CHN2: variants seen among roughly 807,000 people sequenced by gnomAD.
CHN2 encodes beta-chimaerin.
CHN2 carries 35 observed loss-of-function variants against 56.3 expected under a neutral mutation model. That is an observed-to-expected ratio of 0.62 (90% CI 0.47 to 0.82). The LOEUF (loss-of-function observed/expected upper bound fraction) is 0.82. Ranked by LOEUF, CHN2 falls within the 40% of genes least tolerant of loss-of-function variation. CHN2 has a pLI of 0.00. For synonymous variants in CHN2, 210 were observed against 212.8 expected, an observed-to-expected ratio of 0.99 and a Z score of 0.12; for missense variants, 491 against 580.5, an observed-to-expected ratio of 0.85 and a Z score of 1.58.
At chr7:29,203,089 T>A (rs998636742) in intron 1 of CHN2, among the ~76,000 whole-genome samples, 2 of 152,076 alleles carry the variant, frequency 1.3e-5, no homozygotes, top group African/African-American at 4.8e-5. Flanking sequence ...CACACTAGAG[T>A]TCAAACGCTT....
intron 6 of CHN2, among the ~76,000 whole-genome samples, chr7:29,464,180 T>C (rs2128140068): frequency 6.6e-6 from 1 of 152,344 alleles, no homozygotes; most frequent in South Asian, 2.1e-4. Flanking sequence ...TTATTTTGTT[T>C]TGGGCACTAG....
Position 29,440,308 on chromosome 7 carries a change from A to G in CHN2, c.576+39480A>G, listed in dbSNP as rs545061546. On this transcript the variant is annotated intron_variant, in intron 6 of 12. Coordinates refer to ENST00000222792, the MANE Select transcript of CHN2 (RefSeq NM_004067.4). Reference sequence around the variant, plus strand: ...TGCAATTCAGTCTTTAGCCAATGGCAAAAGTAAAAGTAACAGTAATCAGTG... The same window carrying G: ...TGCAATTCAGTCTTTAGCCAATGGCGAAAGTAAAAGTAACAGTAATCAGTG... Among the ~76,000 whole-genome samples, 99 of 152,326 alleles carry G rather than the reference A, an allele frequency of 6.5e-4. 2 individuals are homozygous for G. The South Asian group carries it at 0.011, about 17-fold the overall frequency.
At chr7:29,471,612 G>A (rs1786047310) in intron 6 of CHN2, among the ~76,000 whole-genome samples, 1 of 152,194 alleles carries the variant, frequency 6.6e-6, no homozygotes, top group Non-Finnish European at 1.5e-5. Context: ...CAGTAAGACT[G>A]TTCCTTCGGC....
At chr7:29,316,674 C>T (rs1794974546) in intron 1 of CHN2, among the ~76,000 whole-genome samples, 1 of 152,128 alleles carries the variant, frequency 6.6e-6, no homozygotes, top group Non-Finnish European at 1.5e-5. Context: ...AGAGCTGCTG[C>T]CCCCAATGTG....
chr7:29,252,473 C>T (rs576844616), intron 1 of CHN2, among the ~76,000 whole-genome samples: 4 of 151,448 alleles, frequency 2.6e-5, no homozygotes, highest in Non-Finnish European at 5.9e-5. Flanking sequence ...CAGGCGCAAG[C>T]CACTGCACCC....
intron 6 of CHN2, among the ~76,000 whole-genome samples, chr7:29,404,790 C>T (rs1041342470): frequency 2.6e-5 from 4 of 152,190 alleles, no homozygotes; most frequent in South Asian, 2.1e-4. Context: ...GTCTCAAACT[C>T]GTGGGCTCAA....
chr7:29,465,527 C>A (rs532838208), intron 6 of CHN2, among the ~76,000 whole-genome samples: 87 of 152,254 alleles, frequency 5.7e-4, no homozygotes, highest in South Asian at 2.1e-3. Flanking sequence ...AAATGAGGCA[C>A]AAAGAGGTTA....
At chr7:29,366,122 A>T (rs1327652402) in intron 2 of CHN2, among the ~76,000 whole-genome samples, 3 of 152,206 alleles carry the variant, frequency 2.0e-5, no homozygotes, top group Non-Finnish European at 4.4e-5. Context: ...AACTTTTGAC[A>T]TGTTGAAGTT....
chr7:29,363,110 A>G (rs1205188099), intron 2 of CHN2, among the ~76,000 whole-genome samples: 1 of 152,180 alleles, frequency 6.6e-6, no homozygotes, highest in East Asian at 1.9e-4. Flanking sequence ...TTACACACAC[A>G]CTGTCAGTAA....
intron 3 of CHN2, among the ~76,000 whole-genome samples, chr7:29,372,460 A>G (rs746984400): frequency 6.6e-6 from 1 of 152,168 alleles, no homozygotes; most frequent in Non-Finnish European, 1.5e-5. Flanking sequence ...CTTTCTTAAC[A>G]TATTTGATTG....
chr7:29,479,902 A>G, intron 6 of CHN2: 1 of 1,421,290 alleles, frequency 7.0e-7, no homozygotes, highest in Non-Finnish European at 9.2e-7. Flanking sequence ...CTTAAGAAAT[A>G]GCACAAAACA....
chr7:29,300,169 G>C (rs1255013867), intron 1 of CHN2, among the ~76,000 whole-genome samples: 1 of 152,204 alleles, frequency 6.6e-6, no homozygotes, highest in Non-Finnish European at 1.5e-5. Context: ...CCAGATTATG[G>C]AACGTCTTAC....
intron 1 of CHN2, among the ~76,000 whole-genome samples, chr7:29,316,223 A>G (rs1487648822): frequency 6.6e-6 from 1 of 152,248 alleles, no homozygotes; most frequent in African/African-American, 2.4e-5. Context: ...AATTCCCATG[A>G]AACACATTTT....
At chr7:29,251,461 T>A (rs1372147576) in intron 1 of CHN2, among the ~76,000 whole-genome samples, 2 of 151,934 alleles carry the variant, frequency 1.3e-5, no homozygotes, top group Non-Finnish European at 2.9e-5. Context: ...CTGAAAAAAA[T>A]AAAATAAAAT....
At chr7:29,408,471 G>T (rs1400187836) in intron 6 of CHN2, among the ~76,000 whole-genome samples, 2 of 152,112 alleles carry the variant, frequency 1.3e-5, no homozygotes, top group Non-Finnish European at 2.9e-5. Context: ...TTGTAAATTA[G>T]ACCCTAGCCT....
intron 1 of CHN2, among the ~76,000 whole-genome samples, chr7:29,314,608 C>T (rs1183390929): frequency 6.6e-6 from 1 of 152,014 alleles, no homozygotes; most frequent in Non-Finnish European, 1.5e-5. Flanking sequence ...AGTAACATCA[C>T]CACCAACAAA....
chr7:29,431,541 G>A (rs927558705), intron 6 of CHN2, among the ~76,000 whole-genome samples: 3 of 152,196 alleles, frequency 2.0e-5, no homozygotes, highest in Admixed American at 6.5e-5. Context: ...TGGTGGGCAC[G>A]TTTGTGGGTT....
chr7:29,295,212 C>T (rs1793027928), intron 1 of CHN2, among the ~76,000 whole-genome samples: 1 of 151,594 alleles, frequency 6.6e-6, no homozygotes, highest in African/African-American at 2.4e-5. Flanking sequence ...ACAGATGGAA[C>T]CATCCATTTT....
At chr7:29,368,963 G>A (rs1363185888) in intron 3 of CHN2, among the ~76,000 whole-genome samples, 2 of 152,110 alleles carry the variant, frequency 1.3e-5, no homozygotes, top group South Asian at 4.1e-4. Context: ...GAAAAATCCA[G>A]GATGAGTTCC....
Sources: allele counts gnomAD v4.1 joint callset (sites outside exome capture counted in the v4.1 genomes callset), GRCh38; gene constraint gnomAD v4.1.1; transcripts MANE v1.5; gene names NCBI Gene and HGNC (gene_info 2026-07-23, HGNC 2026-07-21).